Variants in AHNAK observed in about 807,000 individuals in gnomAD.
The protein encoded by AHNAK is neuroblast differentiation-associated protein AHNAK.
A neutral mutation model predicts 37.8 loss-of-function variants in AHNAK; 23 were observed. The ratio of observed to expected loss-of-function variants is 0.61; its 90% CI spans 0.44 to 0.86. AHNAK has a LOEUF of 0.86. Among genes scored for constraint, AHNAK ranks in the 40% least tolerant of loss-of-function variants. The pLI is 0.00. For missense variants in AHNAK, 7,411 were observed against 7,319.4 expected (o/e 1.01, Z -0.46); for synonymous variants, 2,481 against 2,636.3 (o/e 0.94, Z 1.80).
chr11:62,455,651 G>A lies in AHNAK; in HGVS notation c.443-21760C>T, dbSNP rs535742196. Among the ~76,000 whole-genome samples the A allele has an allele frequency of 2.4e-4, 36 of 152,170 alleles. No homozygotes were observed. In the South Asian group the frequency reaches 5.0e-3, roughly 21 times the overall value. ...ACCTGGGAGGTGGAAGTTGCGGTGA[G>A]CTGAGATGGCGCCATTGCACTCCAA... On this transcript the variant is annotated intron_variant, in intron 5 of 5. Coordinates refer to the AHNAK transcript ENST00000257247.
chr11:62,513,974 A>C (rs574189404), downstream of AHNAK, among the ~76,000 whole-genome samples: 1 of 152,156 alleles, frequency 6.6e-6, no homozygotes, highest in Non-Finnish European at 1.5e-5. Flanking sequence ...GGAGATCCTC[A>C]GAAGAGGAAT....
Position 62,518,540 on chromosome 11 carries a change from A to G in AHNAK, c.15877T>C (p.Ser5293Pro). The change falls in exon 5 of 5, where the codon TCT (serine) becomes CCT (proline). Residue 5293 changes from serine to proline, a missense_variant. Physicochemically the swap from Ser to Pro is moderately conservative, Grantham distance 74. Coordinates refer to ENST00000378024, the MANE Select transcript of AHNAK (RefSeq NM_001620.3). ...TCAGGCCCAGAGACTTTTGGCATAGAGAGGTTCACTGAAGGCAAGTCTACT... is the reference window on the plus strand; with the variant it reads ...TCAGGCCCAGAGACTTTTGGCATAGGGAGGTTCACTGAAGGCAAGTCTACT... Reference protein sequence around the residue: ...PGVDLPSVNLSMPKVSGPDLD... With the variant: ...PGVDLPSVNLPMPKVSGPDLD... 1.2e-6 allele frequency: 2 copies of G among 1,614,092 alleles called. No individual in the cohort carries two copies. The highest frequency in any genetic ancestry group is 1.7e-6 in the Non-Finnish European group (2 of 1,180,010).
Position 62,523,149 on chromosome 11 carries a change from G to T in AHNAK, c.11268C>A (p.Gly3756=). 1 of 1,613,596 alleles carries T rather than the reference G, an allele frequency of 6.2e-7. No homozygotes were observed. Among genetic ancestry groups the T allele is most frequent in the Non-Finnish European group, 8.5e-7 (1 of 1,179,902 alleles). Residue 3756 remains glycine (G), a synonymous_variant, in exon 5 of 5, where the codon GGC becomes GGA. Transcript: ENST00000378024. ...SMPDIDLNLK[G]PKVKGDVDVS... is the part of the protein sequence containing the mutation. ...CATCCACATCGCCCTTGACTTTGGG[G>T]CCCTTCAGGTTTAAATCAATGTCAG...
intron 4 of AHNAK, among the ~76,000 whole-genome samples, chr11:62,504,092 T>C (rs1004340508): frequency 6.0e-5 from 9 of 149,998 alleles, no homozygotes; most frequent in African/African-American, 2.2e-4. Context: ...ACTCAGGAGG[T>C]GGAGGTTGCA....
chr11:62,495,431 C>T (rs893455100), intron 4 of AHNAK, among the ~76,000 whole-genome samples: 1 of 152,084 alleles, frequency 6.6e-6, no homozygotes, highest in Non-Finnish European at 1.5e-5. Flanking sequence ...AACTAGAGTG[C>T]TTTAGAAATA....
intron 5 of AHNAK, among the ~76,000 whole-genome samples, chr11:62,461,746 AC>A (rs71458416): frequency 6.7e-6 from 1 of 148,992 alleles, no homozygotes; most frequent in Admixed American, 6.8e-5. Flanking sequence ...AATCACTTGA[AC>A]CCGGGAGGCG....
rs773499281 is a variant in AHNAK, at chr11:62,526,354, C to T, written c.8063G>A (p.Gly2688Glu). The T allele has an allele frequency of 5.0e-6, 8 of 1,611,862 alleles. No homozygotes were observed. Among genetic ancestry groups the T allele is most frequent in the Middle Eastern group, 1.7e-4 (1 of 6,046 alleles). Residue 2688 changes from glycine to glutamate, a missense_variant, in exon 5 of 5, where the codon GGA (glycine) becomes GAA (glutamate). Gly to Glu is a moderately conservative substitution (Grantham distance 98, BLOSUM62 -2). Transcript: ENST00000378024. The part of the protein sequence containing the change: ...GPDVNIEGPE[G>E]KLKGPKFKMP... ...CTTGAACTTAGGCCCTTTCAACTTT[C>T]CCTCTGGTCCTTCAATGTTAACATC...
Position 62,521,107 on chromosome 11 carries a change from C to A in AHNAK, c.13310G>T (p.Gly4437Val), listed in dbSNP as rs775737900. 19 of 1,614,038 alleles carry A rather than the reference C, an allele frequency of 1.2e-5. No individual in the cohort carries two copies. In the South Asian group the frequency reaches 1.8e-4, roughly 15 times the overall value. The change falls in exon 5 of 5, where the codon GGT becomes GTT. Residue 4437 changes from glycine to valine, a missense_variant. By Grantham distance (109) the Gly-to-Val change is moderately radical. Coordinates refer to ENST00000378024, the MANE Select transcript of AHNAK (RefSeq NM_001620.3). ...DIDTPDVNIE[G>V]PEGKLKGPKF... ...GGGCCCCTTCAATTTTCCTTCCGGA[C>A]CTTCAATATTGACATCAGGTGTGTC...
In AHNAK at chr11:62,523,385, G is replaced by C. The variant is rs199748810; in HGVS notation, c.11032C>G (p.Leu3678Val). The change falls in exon 5 of 5, where the codon CTG becomes GTG. Residue 3678 changes from leucine to valine, a missense_variant. Coordinates refer to ENST00000378024, the MANE Select transcript of AHNAK (RefSeq NM_001620.3). Reference protein sequence around the residue: ...APKISMPDFDLNLKGPKMKGD... With the variant: ...APKISMPDFDVNLKGPKMKGD... ...TTCATTTTGGGTCCCTTCAAGTTCA[G>C]GTCAAAGTCAGGCATGGAGATCTTG... The C allele has an allele frequency of 2.4e-4, 383 of 1,612,852 alleles. 2 individuals carry two copies. The highest frequency in any genetic ancestry group is 1.2e-3 in the South Asian group (112 of 90,884).
At chr11:62,509,361 A>T (rs1047632810) in intron 4 of AHNAK, among the ~76,000 whole-genome samples, 1 of 151,522 alleles carries the variant, frequency 6.6e-6, no homozygotes, top group Non-Finnish European at 1.5e-5. Flanking sequence ...TGAGGTCAGG[A>T]GTTCGAGACC....
intron 5 of AHNAK, among the ~76,000 whole-genome samples, chr11:62,491,141 G>T (rs955895837): frequency 6.6e-6 from 1 of 151,958 alleles, no homozygotes; most frequent in South Asian, 2.1e-4. Context: ...TTTCATTTTG[G>T]TACAGGCCAG....
chr11:62,503,300 G>A (rs761840238), intron 4 of AHNAK, among the ~76,000 whole-genome samples: 2 of 152,202 alleles, frequency 1.3e-5, no homozygotes, highest in Non-Finnish European at 2.9e-5. Flanking sequence ...GTAAAACAAC[G>A]AAAGTGGGCT....
chr11:62,488,754 C>T (rs575418896), intron 5 of AHNAK, among the ~76,000 whole-genome samples: 1 of 152,030 alleles, frequency 6.6e-6, no homozygotes, highest in South Asian at 2.1e-4. Flanking sequence ...GCTGTAGATC[C>T]TCCTGGGCCC....
intron 4 of AHNAK, among the ~76,000 whole-genome samples, chr11:62,506,514 C>T (rs1939814679): frequency 6.6e-6 from 1 of 152,028 alleles, no homozygotes; most frequent in Non-Finnish European, 1.5e-5. Context: ...ACCCAAAATT[C>T]CTCCCTGCAG....
intron 5 of AHNAK, among the ~76,000 whole-genome samples, chr11:62,447,259 C>T (rs761541562): frequency 6.6e-6 from 1 of 152,180 alleles, no homozygotes; most frequent in Non-Finnish European, 1.5e-5. Flanking sequence ...CCTGTTTGTT[C>T]AAGGACAGGA....
intron 4 of AHNAK, among the ~76,000 whole-genome samples, chr11:62,502,686 A>T (rs562062096): frequency 6.6e-6 from 1 of 152,360 alleles, no homozygotes; most frequent in African/African-American, 2.4e-5. Flanking sequence ...ACAGAGCAAC[A>T]TGAATGCGTG....
intron 5 of AHNAK, among the ~76,000 whole-genome samples, chr11:62,481,166 C>T (rs1214336661): frequency 6.6e-6 from 1 of 150,824 alleles, no homozygotes; most frequent in African/African-American, 2.5e-5. Context: ...AGTGCAGTGG[C>T]GCAGTCACGG....
At chr11:62,510,146 C>T (rs1939883125) in intron 4 of AHNAK, among the ~76,000 whole-genome samples, 2 of 151,824 alleles carry the variant, frequency 1.3e-5, no homozygotes, top group African/African-American at 4.8e-5. Context: ...CAACCTCCAC[C>T]TCCCCCGGGT....
downstream of AHNAK, among the ~76,000 whole-genome samples, chr11:62,511,462 G>T (rs544697734): frequency 2.0e-5 from 3 of 152,068 alleles, no homozygotes; most frequent in African/African-American, 7.2e-5. Flanking sequence ...CGCCATGTTG[G>T]CCAGGCTGGT....
Sources: gnomAD v4.1 joint callset for allele counts (sites outside exome capture counted in the v4.1 genomes callset) on GRCh38, gnomAD v4.1.1 for gene constraint, MANE v1.5 for transcripts, NCBI Gene and HGNC (gene_info 2026-07-23, HGNC 2026-07-21) for gene names.